Variants in NSD2 observed in about 807,000 individuals in gnomAD.
NSD2 encodes histone-lysine N-methyltransferase NSD2.
In NSD2, 12 loss-of-function variants were observed where a neutral mutation model predicts 139.0. The observed-to-expected ratio is 0.09, with a 90% CI of 0.06 to 0.14. The LOEUF is 0.14. Among genes scored for constraint, NSD2 ranks in the 10% least tolerant of loss-of-function variants. The pLI, the probability that NSD2 is intolerant of heterozygous loss-of-function variation, is 1.00. For synonymous variants in NSD2, 669 were observed against 648.7 expected, an observed-to-expected ratio of 1.03 and a Z score of -0.48; for missense variants, 1,155 against 1,745.0, an observed-to-expected ratio of 0.66 and a Z score of 6.02.
At chr4:1,904,426 A>G in intron 3 of NSD2, 48 bp downstream of exon 3, 13 of 1,545,520 alleles carry the variant, frequency 8.4e-6, no homozygotes, top group Non-Finnish European at 1.1e-5. Flanking sequence ...TCTGCACTTA[A>G]TCTTTCTCAT....
intron 1 of NSD2, among the ~76,000 whole-genome samples, chr4:1,888,836 G>A (rs1365028782): frequency 2.0e-5 from 3 of 151,952 alleles, no homozygotes; most frequent in Non-Finnish European, 4.4e-5. Flanking sequence ...AAAGTACTGG[G>A]ATTACAGGCG....
intron 12 of NSD2, among the ~76,000 whole-genome samples, chr4:1,954,196 G>C (rs1724578342): frequency 1.3e-5 from 2 of 151,988 alleles, no homozygotes; most frequent in South Asian, 4.2e-4. Context: ...TGTTGGTCAG[G>C]CTGGTCTTGA....
At chr4:1,917,296 C>G (rs142605460) in intron 4 of NSD2, among the ~76,000 whole-genome samples, 1 of 151,750 alleles carries the variant, frequency 6.6e-6, no homozygotes, top group Non-Finnish European at 1.5e-5. Context: ...CATATATGTA[C>G]GTATATATGT....
At chr4:1,891,555 T>G (rs1454448804) in intron 1 of NSD2, among the ~76,000 whole-genome samples, 1 of 151,948 alleles carries the variant, frequency 6.6e-6, no homozygotes, top group East Asian at 1.9e-4. Context: ...GTCTGAAGTG[T>G]TAAAGCTCCC....
chr4:1,967,105 T>G (rs1230161006), intron 18 of NSD2, among the ~76,000 whole-genome samples: 1 of 152,172 alleles, frequency 6.6e-6, no homozygotes, highest in Non-Finnish European at 1.5e-5. Flanking sequence ...TTATTACTGC[T>G]TCTACAGAAA....
At chr4:1,923,787 A>C (rs2108825699) in intron 5 of NSD2, among the ~76,000 whole-genome samples, 1 of 152,364 alleles carries the variant, frequency 6.6e-6, no homozygotes, top group South Asian at 2.1e-4. Context: ...CTACCCAGTG[A>C]CAGACTATGG....
intron 3 of NSD2, among the ~76,000 whole-genome samples, chr4:1,906,043 C>T (rs973303959): frequency 6.6e-6 from 1 of 152,176 alleles, no homozygotes; most frequent in Non-Finnish European, 1.5e-5. Context: ...CAGGCATAGT[C>T]TCCACACAGC....
intron 7 of NSD2, 33 bp from the exon 8 acceptor site, chr4:1,938,418 T>TTC (rs1722704675): frequency 2.0e-5 from 9 of 449,638 alleles, no homozygotes; most frequent in Admixed American, 5.6e-5. Context: ...TTTTCTTTCT[T>TTC]TTTTTTTTTT....
At chr4:1,879,859 T>TG (rs1292900412) in intron 1 of NSD2, among the ~76,000 whole-genome samples, 2 of 151,082 alleles carry the variant, frequency 1.3e-5, no homozygotes, top group African/African-American at 2.4e-5. Context: ...TGTGTGTGTG[T>TG]TTTCTCCCAA....
At position 1,975,354 on chromosome 4, in the gene NSD2, G is replaced by A. The variant is rs947581121; in HGVS notation, c.3575G>A (p.Arg1192Gln). Residue 1192 changes from arginine (R) to glutamine (Q), a missense_variant, in exon 20 of 22, where the codon CGG (arginine) becomes CAG (glutamine). Arg to Gln is a conservative substitution (Grantham distance 43, BLOSUM62 1). This residue lies in a region of NSD2 where 139 missense variants were observed against 485.8 expected (regional missense o/e 0.29). Transcript: ENST00000508803. ...CTGGGCAATGAAAAAACGGTCTGCC[G>A]GTGTGGAGCCTCCAATTGCAGTGGA... Reference protein sequence around the residue: ...DCLGNEKTVCRCGASNCSGFL... With the variant: ...DCLGNEKTVCQCGASNCSGFL... 2 of 1,614,178 alleles carry A rather than the reference G, an allele frequency of 1.2e-6. No individual in the cohort carries two copies. The highest frequency in any genetic ancestry group is 8.5e-7 in the Non-Finnish European group (1 of 1,180,046).
At position 1,973,864 on chromosome 4, in the gene NSD2, G is replaced by A. The variant is rs537076556; in HGVS notation, c.3373-999G>A. ...ATTTCTCCCCACGCGGTTGTGCGGT[G>A]GATCTGGCGGCTCCTCAGGTGGAGG... On this transcript the variant is annotated intron_variant, in intron 18 of 21. Coordinates refer to ENST00000508803, the MANE Select transcript of NSD2 (RefSeq NM_001042424.3). This position sits in a 1 kb window ranked among gnomAD's most constrained non-coding sequence, Gnocchi z 5.5. Among the ~76,000 whole-genome samples the A allele has an allele frequency of 5.6e-4, 85 of 152,368 alleles. No individual in the cohort carries two copies. Among genetic ancestry groups the A allele is most frequent in the Non-Finnish European group, 8.4e-4 (57 of 68,034 alleles).
rs536728003 is a variant in NSD2 at position 1,873,315 on chromosome 4, G to A, written c.-30+1773G>A. On this transcript the variant is annotated intron_variant, in intron 1 of 21. Coordinates refer to ENST00000508803, the MANE Select transcript of NSD2 (RefSeq NM_001042424.3). ...TAACAGTAAAGATTTTATTTTAAGAGTATGAGGTAATTAACTGAGAATTTG... is the reference window on the plus strand; with the variant it reads ...TAACAGTAAAGATTTTATTTTAAGAATATGAGGTAATTAACTGAGAATTTG... Among the ~76,000 whole-genome samples, 29 of 152,196 alleles carry A rather than the reference G, an allele frequency of 1.9e-4. 1 individual carries two copies. Among genetic ancestry groups the A allele is most frequent in the Non-Finnish European group, 3.7e-4 (25 of 68,034 alleles).
At chr4:1,943,413 A>G in intron 9 of NSD2, 1 of 1,041,598 alleles carries the variant, frequency 9.6e-7, no homozygotes, top group Non-Finnish European at 1.2e-6. Context: ...AATAATGGTT[A>G]TAATAATAAA....
chr4:1,943,458 A>G (rs1229112627), intron 9 of NSD2: 8 of 1,044,986 alleles, frequency 7.7e-6, no homozygotes, highest in African/African-American at 3.3e-5. Context: ...TTTTTATCCA[A>G]AAGTATAAAT....
At chr4:1,901,972 G>A (rs371488225) in intron 2 of NSD2, among the ~76,000 whole-genome samples, 1 of 152,164 alleles carries the variant, frequency 6.6e-6, no homozygotes, top group Non-Finnish European at 1.5e-5. Flanking sequence ...TGGCACTCGG[G>A]ATGGCCCTGA....
chr4:1,885,802 A>G (rs528343817), intron 1 of NSD2, among the ~76,000 whole-genome samples: 2 of 152,060 alleles, frequency 1.3e-5, no homozygotes, highest in South Asian at 2.1e-4. Context: ...GTAGTTCCTC[A>G]CTGCTCTCTT....
rs770543236 is a variant in NSD2 at position 1,900,673 on chromosome 4, C to G, written c.19C>G (p.Gln7Glu). The change falls in exon 2 of 22, where the codon CAG (glutamine) becomes GAG (glutamate). Residue 7 changes from glutamine (Q) to glutamate (E), a missense_variant. Gln to Glu is a conservative substitution (Grantham distance 29). Transcript: ENST00000508803. MEFSIK[Q>E]SPLSVQSVVK... ...GGGCTGGATGGAATTTAGCATCAAG[C>G]AGAGTCCCCTTTCTGTTCAGAGTGT... 36 of 1,590,286 alleles carry G rather than the reference C, an allele frequency of 2.3e-5. No individual in the cohort carries two copies. The highest frequency in any genetic ancestry group is 2.9e-5 in the Non-Finnish European group (34 of 1,166,304).
intron 1 of NSD2, among the ~76,000 whole-genome samples, chr4:1,897,039 G>T (rs1716442297): frequency 6.6e-6 from 1 of 151,800 alleles, no homozygotes; most frequent in African/African-American, 2.4e-5. Flanking sequence ...GGTGGCAAGT[G>T]CCTTGTAGTC....
In NSD2 at chr4:1,898,654, C is replaced by A. The variant is rs189948230; in HGVS notation, c.-29-1972C>A. Among the ~76,000 whole-genome samples, 232 of 142,048 alleles carry A rather than the reference C, an allele frequency of 1.6e-3. 1 individual carries two copies. Among genetic ancestry groups the A allele is most frequent in the African/African-American group, 6.1e-3 (222 of 36,104 alleles). 93.2% of individuals were successfully genotyped at this position (142,048 alleles called of 152,430 possible). On this transcript the variant is annotated intron_variant, in intron 1 of 21. Coordinates refer to ENST00000508803, the MANE Select transcript of NSD2 (RefSeq NM_001042424.3). Reference sequence around the variant, plus strand: ...CAACCTGGGTGACAGAGCGAGACTCCGTCTAAAAAAAAAAAAACAAAAAAC... The same window carrying A: ...CAACCTGGGTGACAGAGCGAGACTCAGTCTAAAAAAAAAAAAACAAAAAAC...
Sources: gnomAD v4.1 joint callset for allele counts (sites outside exome capture counted in the v4.1 genomes callset) on GRCh38, gnomAD v4.1.1 for gene constraint, gnomAD v4.1.1 regional missense constraint, Gnocchi (gnomAD v3.1) non-coding constraint, MANE v1.5 for transcripts, NCBI Gene and HGNC (gene_info 2026-07-23, HGNC 2026-07-21) for gene names.